SNX29: variants seen among roughly 807,000 people sequenced by gnomAD.
SNX29 encodes sorting nexin-29.
In SNX29, 78 loss-of-function variants were observed where a neutral mutation model predicts 102.1. That is an observed-to-expected ratio of 0.76 (90% CI 0.64 to 0.92). The LOEUF is 0.92. Ranked by LOEUF, SNX29 falls within the 40% of genes least tolerant of loss-of-function variation. The probability of loss-of-function intolerance (pLI) is 0.00; values close to 1 mark genes in which losing one functional copy is unlikely to be tolerated. For synonymous variants in SNX29, 580 were observed against 414.5 expected, an observed-to-expected ratio of 1.40 and a Z score of -4.85; for missense variants, 1,280 against 1,061.7, an observed-to-expected ratio of 1.21 and a Z score of -2.86.
At chr16:12,518,786 C>A (rs1427874676) in intron 19 of SNX29, among the ~76,000 whole-genome samples, 1 of 152,206 alleles carries the variant, frequency 6.6e-6, no homozygotes, top group Non-Finnish European at 1.5e-5. Flanking sequence ...GGGGTAGGAG[C>A]TACCCCATCG....
At chr16:12,462,019 A>ATATATATG (rs2086824000) in intron 18 of SNX29, among the ~76,000 whole-genome samples, 5 of 71,376 alleles carry the variant, frequency 7.0e-5, no homozygotes, top group African/African-American at 2.6e-4. Flanking sequence ...ATATGTATAC[A>ATATATATG]CACACACACA....
At chr16:12,490,835 G>C (rs1056676397) in intron 19 of SNX29, among the ~76,000 whole-genome samples, 1 of 152,200 alleles carries the variant, frequency 6.6e-6, no homozygotes, top group South Asian at 2.1e-4. Flanking sequence ...GAACACACAC[G>C]TATAACCATC....
At chr16:12,389,444 C>G (rs566239879) in intron 16 of SNX29, among the ~76,000 whole-genome samples, 2 of 152,120 alleles carry the variant, frequency 1.3e-5, no homozygotes, top group African/African-American at 4.8e-5. Context: ...TTTCCGCTTT[C>G]GCTTGGCTCT....
intron 10 of SNX29, among the ~76,000 whole-genome samples, chr16:12,071,544 C>A (rs1231905564): frequency 2.0e-5 from 3 of 152,154 alleles, no homozygotes; most frequent in African/African-American, 7.2e-5. Flanking sequence ...TGTTTTGGTA[C>A]CAGTACCATG....
intron 20 of SNX29, among the ~76,000 whole-genome samples, chr16:12,548,485 A>G (rs1263730067): frequency 2.6e-5 from 4 of 152,164 alleles, no homozygotes; most frequent in East Asian, 1.9e-4. Flanking sequence ...TTTCAGGATG[A>G]CTAGTCAGGG....
intron 16 of SNX29, among the ~76,000 whole-genome samples, chr16:12,393,975 A>G (rs2083628931): frequency 6.6e-6 from 1 of 152,136 alleles, no homozygotes; most frequent in Non-Finnish European, 1.5e-5. Flanking sequence ...AACTCAAAAC[A>G]TGTGCATTTC....
chr16:12,541,865 C>G (rs796578229), intron 20 of SNX29, among the ~76,000 whole-genome samples: 5 of 152,156 alleles, frequency 3.3e-5, no homozygotes, highest in Admixed American at 2.0e-4. Context: ...GCCTGGAAAC[C>G]AGTCAATGCT....
At chr16:12,152,163 G>A (rs1384551721) in intron 13 of SNX29, among the ~76,000 whole-genome samples, 1 of 152,134 alleles carries the variant, frequency 6.6e-6, no homozygotes, top group African/African-American at 2.4e-5. Flanking sequence ...GAAGGTTGCA[G>A]TAAGCTGAGA....
chr16:12,559,846 C>G (rs1360232197), intron 20 of SNX29, among the ~76,000 whole-genome samples: 2 of 152,168 alleles, frequency 1.3e-5, no homozygotes. Flanking sequence ...TAATGCCAGA[C>G]TGCTTTGATT....
chr16:12,322,475 A>G (rs1318832389), intron 15 of SNX29, among the ~76,000 whole-genome samples: 1 of 152,208 alleles, frequency 6.6e-6, no homozygotes, highest in Non-Finnish European at 1.5e-5. Context: ...GTTAAAAAGA[A>G]TTGTGGGTTA....
chr16:11,989,257 G>A (rs2055749709), intron 1 of SNX29, among the ~76,000 whole-genome samples: 1 of 152,154 alleles, frequency 6.6e-6, no homozygotes, highest in Non-Finnish European at 1.5e-5. Context: ...ACAGACGTGA[G>A]CCATGATGCC....
intron 9 of SNX29, among the ~76,000 whole-genome samples, chr16:12,066,528 C>T (rs754228642): frequency 2.6e-5 from 4 of 152,164 alleles, no homozygotes; most frequent in Non-Finnish European, 4.4e-5. Context: ...AGATTCAAGA[C>T]AGGTCTGGGC....
chr16:12,271,477 GT>G (rs1202338962), intron 14 of SNX29, among the ~76,000 whole-genome samples: 5 of 152,190 alleles, frequency 3.3e-5, no homozygotes, highest in African/African-American at 1.2e-4. Flanking sequence ...GCCATAGTCT[GT>G]TTATTGGAGG....
intron 15 of SNX29, among the ~76,000 whole-genome samples, chr16:12,293,901 C>T (rs907632835): frequency 1.3e-5 from 2 of 152,190 alleles, no homozygotes; most frequent in African/African-American, 2.4e-5. Flanking sequence ...CTTTATTTAT[C>T]TCATGTGATC....
intron 15 of SNX29, among the ~76,000 whole-genome samples, chr16:12,280,396 G>T (rs1247485159): frequency 1.3e-5 from 2 of 152,220 alleles, no homozygotes; most frequent in African/African-American, 4.8e-5. Context: ...GGGAGTTACT[G>T]CAGGGTCCAC....
chr16:12,439,900 C>T (rs1177491945), intron 18 of SNX29, among the ~76,000 whole-genome samples: 1 of 152,198 alleles, frequency 6.6e-6, no homozygotes, highest in Non-Finnish European at 1.5e-5. Flanking sequence ...GTGGTATTTT[C>T]CTGGCTCTCC....
intron 14 of SNX29, among the ~76,000 whole-genome samples, chr16:12,262,265 C>T (rs1235434466): frequency 2.0e-5 from 3 of 152,298 alleles, no homozygotes; most frequent in Non-Finnish European, 4.4e-5. Context: ...TCAAAGTCTT[C>T]CCCTTGGTTT....
At chr16:12,296,744 A>G (rs1047192153) in intron 15 of SNX29, among the ~76,000 whole-genome samples, 1 of 152,246 alleles carries the variant, frequency 6.6e-6, no homozygotes, top group African/African-American at 2.4e-5. Context: ...AGTGCCAGTC[A>G]TGGGCCAGGC....
intron 2 of SNX29, among the ~76,000 whole-genome samples, chr16:12,002,419 C>T (rs1402856311): frequency 6.7e-6 from 1 of 149,510 alleles, no homozygotes; most frequent in South Asian, 2.1e-4. Flanking sequence ...ACACTCCAGC[C>T]TGGGCAACAA....
Sources: allele counts gnomAD v4.1 joint callset (sites outside exome capture counted in the v4.1 genomes callset), GRCh38; gene constraint gnomAD v4.1.1; transcripts MANE v1.5; gene names NCBI Gene and HGNC (gene_info 2026-07-23, HGNC 2026-07-21).